Variants in CLOCK observed in about 807,000 individuals in gnomAD.
The protein encoded by CLOCK is clock circadian regulator, also known as circadian locomoter output cycles protein kaput.
A neutral mutation model predicts 118.4 loss-of-function variants in CLOCK; 43 were observed. That is an observed-to-expected ratio of 0.36 (90% CI 0.28 to 0.47). CLOCK has a LOEUF of 0.47. Ranked by LOEUF, CLOCK falls within the 20% of genes least tolerant of loss-of-function variation. The pLI is 1.00. For missense variants in CLOCK, 846 were observed against 999.9 expected (o/e 0.85, Z 2.08); for synonymous variants, 326 against 339.2 (o/e 0.96, Z 0.43).
intron 2 of CLOCK, among the ~76,000 whole-genome samples, chr4:55,499,489 A>G (rs1001228145): frequency 6.6e-6 from 1 of 152,220 alleles, no homozygotes; most frequent in Non-Finnish European, 1.5e-5. Flanking sequence ...TTAGATTCTC[A>G]TAAGGAGCAT....
chr4:55,478,132 T>C (rs1050370459), intron 6 of CLOCK, among the ~76,000 whole-genome samples: 8 of 132,812 alleles, frequency 6.0e-5, no homozygotes, highest in African/African-American at 2.0e-4. Context: ...GGAAATTTCC[T>C]TTTACAGGTT....
intron 9 of CLOCK, among the ~76,000 whole-genome samples, 155 bp downstream of exon 9, chr4:55,463,530 T>C (rs901587318): frequency 2.6e-5 from 4 of 152,152 alleles, no homozygotes; most frequent in African/African-American, 7.2e-5. Context: ...ATGGTCACAA[T>C]TTCATTTTAT....
At chr4:55,443,100 A>G (rs1423824195) in intron 20 of CLOCK, among the ~76,000 whole-genome samples, 1 of 152,194 alleles carries the variant, frequency 6.6e-6, no homozygotes, top group Non-Finnish European at 1.5e-5. Flanking sequence ...TGAGCAAGTC[A>G]TACCTTTTAA....
chr4:55,530,275 C>T (rs1421875725), intron 1 of CLOCK, among the ~76,000 whole-genome samples: 3 of 152,060 alleles, frequency 2.0e-5, no homozygotes, highest in Non-Finnish European at 4.4e-5. Context: ...AATAACAAGA[C>T]AGAATAGCAT....
rs1265908117 is a variant in CLOCK, at chr4:55,491,351, G to A, written c.-135-1886C>T. Among the ~76,000 whole-genome samples, 5 of 133,952 alleles carry A rather than the reference G, an allele frequency of 3.7e-5. No individual in the cohort carries two copies. In the East Asian group the frequency reaches 8.8e-4, roughly 24 times the overall value. The allele number at this position is 133,952 out of a possible 152,430, so 87.9% of individuals were successfully genotyped here. ...GAGCAGAAGGAAGGAAATATGATTAGAGTAGAAATAAAACAGTGAATAGGA... is the reference window on the plus strand; with the variant it reads ...GAGCAGAAGGAAGGAAATATGATTAAAGTAGAAATAAAACAGTGAATAGGA... On this transcript the variant is annotated intron_variant, in intron 2 of 22. Coordinates refer to ENST00000513440, the MANE Select transcript of CLOCK (RefSeq NM_004898.4).
chr4:55,477,779 A>G (rs1227896353), intron 6 of CLOCK, among the ~76,000 whole-genome samples: 1 of 152,020 alleles, frequency 6.6e-6, no homozygotes, highest in East Asian at 1.9e-4. Flanking sequence ...AACAAGGATA[A>G]GACTTAGGAA....
At chr4:55,492,542 T>G (rs990328218) in intron 2 of CLOCK, among the ~76,000 whole-genome samples, 16 of 152,154 alleles carry the variant, frequency 1.1e-4, no homozygotes, top group African/African-American at 3.6e-4. Flanking sequence ...CATTGAGATA[T>G]TATTAAAAAT....
chr4:55,441,815 T>C (rs1381731586), intron 21 of CLOCK, among the ~76,000 whole-genome samples: 1 of 152,160 alleles, frequency 6.6e-6, no homozygotes, highest in Non-Finnish European at 1.5e-5. Context: ...TTATAGATGG[T>C]TGTTTTTCCA....
chr4:55,498,957 T>C (rs1365423886), intron 2 of CLOCK, among the ~76,000 whole-genome samples: 1 of 152,232 alleles, frequency 6.6e-6, no homozygotes, highest in African/African-American at 2.4e-5. Context: ...GACTCTTCTG[T>C]CATCTCCATT....
chr4:55,481,622 C>T (rs1726939935), intron 4 of CLOCK, among the ~76,000 whole-genome samples: 3 of 152,160 alleles, frequency 2.0e-5, no homozygotes, highest in African/African-American at 7.2e-5. Context: ...TCTTTACTAT[C>T]TAGCTCATAA....
At position 55,430,633 on chromosome 4, in the gene CLOCK, A is replaced by G. The variant is rs1722436097; in HGVS notation, c.*4782T>C. On this transcript the variant is annotated 3_prime_UTR_variant, in exon 23 of 23. Transcript: ENST00000513440. ...GTCCTTTTTGTGCAAAAATATTACA[A>G]GAGCAATTCAAATGGAAATGCTGAA... 6.6e-6 allele frequency: 1 copy of G among 152,204 alleles called. No homozygotes were observed. Among genetic ancestry groups the G allele is most frequent in the Non-Finnish European group, 1.5e-5 (1 of 68,024 alleles). 9.4% of individuals were successfully genotyped at this position (152,204 alleles called of 1,614,324 possible). A position where few individuals can be genotyped will look rare whatever the true frequency, so the allele number is the denominator to read the frequency against.
intron 2 of CLOCK, among the ~76,000 whole-genome samples, chr4:55,492,267 C>A (rs1414268149): frequency 6.6e-6 from 1 of 151,588 alleles, no homozygotes; most frequent in Non-Finnish European, 1.5e-5. Flanking sequence ...ATGTGCTACA[C>A]CACATCAACA....
At chr4:55,436,855 A>G (rs1016841446) in intron 22 of CLOCK, among the ~76,000 whole-genome samples, 7 of 139,240 alleles carry the variant, frequency 5.0e-5, no homozygotes, top group Admixed American at 1.4e-4. Context: ...GGTATTGCCT[A>G]TCTTATTTCT....
rs1441893506 is a variant in CLOCK at position 55,470,825 on chromosome 4, A to G, written c.349-19T>C. 2 of 1,523,620 alleles carry G rather than the reference A, an allele frequency of 1.3e-6. No individual in the cohort carries two copies. Among genetic ancestry groups the G allele is most frequent in the African/African-American group, 1.4e-5 (1 of 72,998 alleles). 94.4% of individuals were successfully genotyped at this position (1,523,620 alleles called of 1,614,324 possible). On this transcript the variant is annotated intron_variant, in intron 7 of 22. Coordinates refer to ENST00000513440, the MANE Select transcript of CLOCK (RefSeq NM_004898.4). ...CAAGAGCCTGAAATTAAACATAATG[A>G]TATGTTAAATGAAAAGAAAAAAGTA... is the stretch of plus-strand genomic sequence containing the variant.
At chr4:55,532,663 T>G (rs972388018) in intron 1 of CLOCK, among the ~76,000 whole-genome samples, 2 of 152,038 alleles carry the variant, frequency 1.3e-5, no homozygotes, top group African/African-American at 4.8e-5. Flanking sequence ...AGCCAGGAAT[T>G]TGAGACCTTA....
rs1722793639 is a variant in CLOCK at position 55,435,332 on chromosome 4, T to TC, written c.*82dup. 9.2e-6 allele frequency: 14 copies of TC among 1,522,946 alleles called. No individual in the cohort carries two copies. The South Asian group carries it at 1.6e-4, about 17-fold the overall frequency. The allele number at this position is 1,522,946 out of a possible 1,614,324, so 94.3% of individuals were successfully genotyped here. ...GCATCTCATGAAACTGCTGGAACTT[T>TC]CCCTCCTTTCCTCAGGTCATCTGAG... On this transcript the variant is annotated 3_prime_UTR_variant, in exon 23 of 23. Transcript: ENST00000513440.
chr4:55,501,664 A>C (rs1237455699), intron 2 of CLOCK: 1 of 152,266 alleles, frequency 6.6e-6, no homozygotes, highest in Non-Finnish European at 1.5e-5. Context: ...TCTGTAACGG[A>C]CTGTGAACAA....
rs1055655126 is a variant in CLOCK at position 55,459,242 on chromosome 4, G to T, written c.579C>A (p.Phe193Leu). The T allele has an allele frequency of 3.1e-6, 5 of 1,608,254 alleles. No homozygotes were observed. In the African/African-American group the frequency reaches 4.0e-5, roughly 13 times the overall value. ...EYLKSKNQLE[F>L]CCHMLRGTID... ...TTGTTCCTCGCAGCATGTGACAACA[G>T]AATTCTAACTGATTTTTTGCTGAAA... The change falls in exon 10 of 23, where the codon TTC becomes TTA. Residue 193 changes from phenylalanine to leucine, a missense_variant. Transcript: ENST00000513440.
chr4:55,535,681 TAGTG>T (rs1255798171), intron 1 of CLOCK, among the ~76,000 whole-genome samples: 2 of 151,776 alleles, frequency 1.3e-5, no homozygotes, highest in African/African-American at 2.4e-5. Flanking sequence ...TTTTTAAAGT[TAGTG>T]AGGAGCTGTG....
Sources: allele counts gnomAD v4.1 joint callset (sites outside exome capture counted in the v4.1 genomes callset), GRCh38; gene constraint gnomAD v4.1.1; transcripts MANE v1.5; gene names NCBI Gene and HGNC (gene_info 2026-07-23, HGNC 2026-07-21).